CFAP47: variants seen among roughly 807,000 people sequenced by gnomAD.
The protein encoded by CFAP47 is cilia and flagella associated protein 47.
CFAP47 carries 29 observed loss-of-function variants against 148.1 expected under a neutral mutation model. The observed-to-expected ratio is 0.20, with a 90% confidence interval of 0.15 to 0.27. The LOEUF (loss-of-function observed/expected upper bound fraction) is 0.27. Among genes scored for constraint, CFAP47 ranks in the 10% least tolerant of loss-of-function variants. The pLI is 1.00. For missense variants in CFAP47, 1,872 were observed against 1,697.5 expected (o/e 1.10, Z -1.81); for synonymous variants, 664 against 577.3 (o/e 1.15, Z -2.15).
chrX:36,102,127 A>G (rs184099332), intron 32 of CFAP47, among the ~76,000 whole-genome samples: 66 of 112,020 alleles, frequency 5.9e-4, no homozygotes, highest in East Asian at 4.0e-3. Context: ...CTTGAATCAA[A>G]TCTTTAACAA....
At chrX:36,338,810 A>G (rs1941629730) in intron 57 of CFAP47, among the ~76,000 whole-genome samples, 1 of 111,726 alleles carries the variant, frequency 9.0e-6, no homozygotes, top group Admixed American at 9.5e-5. Flanking sequence ...TATTCCCCCT[A>G]CAGATATCTA....
At chrX:36,132,462 AT>A (rs1938965916) in intron 33 of CFAP47, among the ~76,000 whole-genome samples, 1 of 111,732 alleles carries the variant, frequency 8.9e-6, no homozygotes, top group African/African-American at 3.2e-5. Context: ...GAAATTCTGC[AT>A]TTTCAACAAG....
At chrX:36,224,866 A>G (rs1351600825) in intron 45 of CFAP47, among the ~76,000 whole-genome samples, 1 of 111,961 alleles carries the variant, frequency 8.9e-6, no homozygotes, top group Non-Finnish European at 1.9e-5. Context: ...GTAGCTGAAC[A>G]AAACAATGGT....
At chrX:36,162,837 G>C (rs189120870) in intron 39 of CFAP47, among the ~76,000 whole-genome samples, 1 of 111,483 alleles carries the variant, frequency 9.0e-6, no homozygotes, top group Non-Finnish European at 1.9e-5. Flanking sequence ...TGAGGATTTT[G>C]CCTGTACAAT....
chrX:36,029,034 CT>C (rs1937252577), intron 22 of CFAP47, among the ~76,000 whole-genome samples: 1 of 110,281 alleles, frequency 9.1e-6, no homozygotes, highest in Non-Finnish European at 1.9e-5. Context: ...TGGTAGATTT[CT>C]TTTTTAAATT....
intron 61 of CFAP47, among the ~76,000 whole-genome samples, chrX:36,365,035 A>G (rs1207698752): frequency 9.5e-6 from 1 of 105,157 alleles, no homozygotes; most frequent in Non-Finnish European, 2.0e-5. Flanking sequence ...AAATAAGAAA[A>G]ACCAAAAGAA....
In CFAP47 at chrX:35,975,771, A is replaced by T; in HGVS notation, c.2571A>T (p.Val857=). The T allele has an allele frequency of 3.3e-6, 4 of 1,210,660 alleles. No homozygotes were observed. The highest frequency in any genetic ancestry group is 4.5e-6 in the Non-Finnish European group (4 of 894,627). Residue 857 remains valine, a synonymous_variant, in exon 15 of 64, where the codon GTA becomes GTT. Coordinates refer to ENST00000378653, the MANE Select transcript of CFAP47 (RefSeq NM_001304548.2). ...TTGAGCTATCTTCTAATGAGCTAGT[A>T]TTGAGACCACGAGGCTTCTTCATGA... The part of the protein sequence containing the change: ...VTLELSSNEL[V]LRPRGFFMKT...
At chrX:36,187,881 A>G (rs1323044686) in intron 40 of CFAP47, among the ~76,000 whole-genome samples, 1 of 111,954 alleles carries the variant, frequency 8.9e-6, no homozygotes, top group Non-Finnish European at 1.9e-5. Context: ...AAAATATTTT[A>G]CAGCATCAAA....
intron 21 of CFAP47, among the ~76,000 whole-genome samples, chrX:36,011,365 A>C (rs917516914): frequency 1.8e-4 from 20 of 111,813 alleles, no homozygotes; most frequent in African/African-American, 6.2e-4. Flanking sequence ...ACATCTTCTC[A>C]GGTATTTTCT....
In CFAP47 at chrX:35,964,938, T is replaced by G. The variant is rs756109945; in HGVS notation, c.1411-1627T>G. Reference sequence around the variant, plus strand: ...ATTTACAATAGTTAACTTACTATGTTTGTCTAATAAGTTCACCATTTGGAT... The same window carrying G: ...ATTTACAATAGTTAACTTACTATGTGTGTCTAATAAGTTCACCATTTGGAT... On this transcript the variant is annotated intron_variant, in intron 8 of 63. Coordinates refer to ENST00000378653, the MANE Select transcript of CFAP47 (RefSeq NM_001304548.2). Among the ~76,000 whole-genome samples, 3 of 111,620 alleles carry G rather than the reference T, an allele frequency of 2.7e-5. No individual in the cohort carries two copies. In the South Asian group the frequency reaches 1.1e-3, roughly 41 times the overall value.
At chrX:35,994,339 A>G (rs1300644011) in intron 18 of CFAP47, among the ~76,000 whole-genome samples, 5 of 112,140 alleles carry the variant, frequency 4.5e-5, no homozygotes, top group Admixed American at 9.4e-5. Context: ...TAAGACAGGT[A>G]TGTGTAAAAT....
intron 45 of CFAP47, among the ~76,000 whole-genome samples, chrX:36,213,923 G>A (rs782631754): frequency 8.9e-6 from 1 of 111,889 alleles, no homozygotes; most frequent in African/African-American, 3.2e-5. Context: ...GGAAGGGAAG[G>A]ATGGGAGGTA....
At chrX:36,005,962 G>A (rs1454840873) in intron 21 of CFAP47, among the ~76,000 whole-genome samples, 1 of 110,375 alleles carries the variant, frequency 9.1e-6, no homozygotes, top group Admixed American at 9.6e-5. Flanking sequence ...TAAATGTTCT[G>A]CAGTAATTTA....
intron 45 of CFAP47, among the ~76,000 whole-genome samples, chrX:36,212,806 C>A (rs1940117136): frequency 9.0e-6 from 1 of 111,119 alleles, no homozygotes; most frequent in African/African-American, 3.3e-5. Flanking sequence ...TCTCCAAGGA[C>A]ACCAATTTAA....
At chrX:36,129,028 A>G (rs1214733143) in intron 33 of CFAP47, among the ~76,000 whole-genome samples, 1 of 109,981 alleles carries the variant, frequency 9.1e-6, no homozygotes, top group African/African-American at 3.3e-5. Flanking sequence ...TTTCTGTGTT[A>G]GTGATATTTC....
At chrX:36,152,323 A>T (rs1939317334) in intron 37 of CFAP47, among the ~76,000 whole-genome samples, 1 of 111,561 alleles carries the variant, frequency 9.0e-6, no homozygotes, top group Non-Finnish European at 1.9e-5. Context: ...TCAAGTGTAA[A>T]TGACATTATA....
chrX:36,317,565 A>G (rs1442515481), intron 56 of CFAP47, among the ~76,000 whole-genome samples: 2 of 101,875 alleles, frequency 2.0e-5, no homozygotes, highest in Non-Finnish European at 4.0e-5. Flanking sequence ...GCCCACCACC[A>G]CACCCAGCTA....
intron 57 of CFAP47, among the ~76,000 whole-genome samples, chrX:36,322,443 A>G (rs782374408): frequency 9.0e-6 from 1 of 110,696 alleles, no homozygotes; most frequent in South Asian, 3.7e-4. Context: ...TTTCCTCACT[A>G]TTTTGAAACA....
At chrX:36,093,426 C>G (rs1398686991) in intron 30 of CFAP47, among the ~76,000 whole-genome samples, 1 of 110,894 alleles carries the variant, frequency 9.0e-6, no homozygotes, top group African/African-American at 3.3e-5. Context: ...TTTGTTACTG[C>G]CTGTCTTTTG....
Sources: allele counts gnomAD v4.1 joint callset (sites outside exome capture counted in the v4.1 genomes callset), GRCh38; gene constraint gnomAD v4.1.1; transcripts MANE v1.5; gene names NCBI Gene and HGNC (gene_info 2026-07-23, HGNC 2026-07-21).